TRIM56: variants seen among roughly 807,000 people sequenced by gnomAD.
The protein encoded by TRIM56 is tripartite motif containing 56.
A neutral mutation model predicts 17.1 loss-of-function variants in TRIM56; 10 were observed. The ratio of observed to expected loss-of-function variants is 0.58; its 90% CI spans 0.36 to 0.99. TRIM56 has a LOEUF of 0.99. Among genes scored for constraint, TRIM56 ranks in the 50% least tolerant of loss-of-function variants. The probability of loss-of-function intolerance (pLI) is 0.01; values close to 1 mark genes in which losing one functional copy is unlikely to be tolerated. For synonymous variants in TRIM56, 503 were observed against 473.5 expected (o/e 1.06, Z -0.81); for missense variants, 923 against 1,052.3 (o/e 0.88, Z 1.70).
rs1028711021 is a variant in TRIM56, at chr7:101,087,546, C to T, written c.234C>T (p.Phe78=). ...EGVASFKTNF[F]VNGLLDLVKA... Reference sequence around the variant, plus strand: ...TGGCCTCCTTCAAGACCAACTTCTTCGTCAATGGGCTGCTGGACCTGGTGA... The same window carrying T: ...TGGCCTCCTTCAAGACCAACTTCTTTGTCAATGGGCTGCTGGACCTGGTGA... The change falls in exon 3 of 3, where the codon TTC becomes TTT. Residue 78 remains phenylalanine (F), a synonymous_variant. Transcript: ENST00000306085. The T allele has an allele frequency of 3.7e-6, 6 of 1,613,022 alleles. No individual in the cohort carries two copies. Among genetic ancestry groups the T allele is most frequent in the African/African-American group, 2.7e-5 (2 of 74,916 alleles).
rs753220033 is a variant in TRIM56 at position 101,088,926 on chromosome 7, C to T, written c.1614C>T (p.Gly538=). ...NRALKRFSLN[G]DYKGTVPVPE... ...CACTGAAACGCTTCTCCCTCAACGG[C>T]GACTACAAGGGCACCGTGCCGGTCC... Residue 538 remains glycine (G), a synonymous_variant, in exon 3 of 3, where the codon GGC becomes GGT. Transcript: ENST00000306085. The T allele has an allele frequency of 9.3e-6, 15 of 1,613,732 alleles. 1 individual carries two copies. Among genetic ancestry groups the T allele is most frequent in the South Asian group, 8.8e-5 (8 of 91,084 alleles).
chr7:101,089,790 A>G lies in TRIM56; in HGVS notation c.*210A>G. The G allele has an allele frequency of 1.9e-6, 1 of 517,336 alleles. No individual in the cohort carries two copies. Among genetic ancestry groups the G allele is most frequent in the Non-Finnish European group, 3.5e-6 (1 of 286,578 alleles). The allele number at this position is 517,336 out of a possible 1,614,324, so 32.0% of individuals were successfully genotyped here. Reference sequence around the variant, plus strand: ...TGACCTTAACTCTCAGAAGCAGAGGAGGCAGGTGGGTGGAGGGGGATGCTG... The same window carrying G: ...TGACCTTAACTCTCAGAAGCAGAGGGGGCAGGTGGGTGGAGGGGGATGCTG... On this transcript the variant is annotated 3_prime_UTR_variant, in exon 3 of 3. Coordinates refer to ENST00000306085, the MANE Select transcript of TRIM56 (RefSeq NM_030961.3).
In TRIM56 at chr7:101,089,557, C is replaced by T. The variant is rs759156001; in HGVS notation, c.2245C>T (p.Arg749Trp). ...SLSNGTIHIFRVRSPDS is the reference protein window; with the variant it reads ...SLSNGTIHIFWVRSPDS ...CAGTAACGGGACCATCCACATCTTT[C>T]GGGTCCGTTCTCCGGACAGTTAAAG... Residue 749 changes from arginine (R) to tryptophan (W), a missense_variant, in exon 3 of 3, where the codon CGG (arginine) becomes TGG (tryptophan). By Grantham distance (101) the Arg-to-Trp change is moderately radical. Transcript: ENST00000306085. The T allele has an allele frequency of 1.9e-5, 30 of 1,613,802 alleles. No homozygotes were observed. The South Asian group carries it at 2.3e-4, about 12-fold the overall frequency.
chr7:101,088,118 A>G lies in TRIM56; in HGVS notation c.806A>G (p.Gln269Arg), dbSNP rs557284760. 5 of 1,502,670 alleles carry G rather than the reference A, an allele frequency of 3.3e-6. No homozygotes were observed. The highest frequency in any genetic ancestry group is 4.9e-5 in the East Asian group (2 of 40,422). 93.1% of individuals were successfully genotyped at this position (1,502,670 alleles called of 1,614,324 possible). Residue 269 changes from glutamine to arginine, a missense_variant, in exon 3 of 3, where the codon CAG becomes CGG. Around this residue, in one of 3 missense-constraint regions of TRIM56, gnomAD observed 643 missense variants for 665.6 expected, o/e 0.97. Transcript: ENST00000306085. ...AEGVLRALLA[Q>R]KQEVLGQLRA... is the part of the protein sequence containing the mutation. ...GGCGTCCTCCGGGCCCTGCTGGCCCAGAAGCAGGAGGTGCTGGGGCAGCTA... is the reference window on the plus strand; with the variant it reads ...GGCGTCCTCCGGGCCCTGCTGGCCCGGAAGCAGGAGGTGCTGGGGCAGCTA...
chr7:101,096,814 C>G lies in TRIM56; in HGVS notation c.*7234C>G, dbSNP rs1795659895. 1 of 152,120 alleles carries G rather than the reference C, an allele frequency of 6.6e-6. No individual in the cohort carries two copies. Among genetic ancestry groups the G allele is most frequent in the African/African-American group, 2.4e-5 (1 of 41,414 alleles). The allele number at this position is 152,120 out of a possible 1,614,324, so 9.4% of individuals were successfully genotyped here. Reference sequence around the variant, plus strand: ...GAGGAGACCATTTTGTTTTGCTTTCCAGCAGTTACTTGAAGAAGCCTTATC... The same window carrying G: ...GAGGAGACCATTTTGTTTTGCTTTCGAGCAGTTACTTGAAGAAGCCTTATC... On this transcript the variant is annotated 3_prime_UTR_variant, in exon 3 of 3. Coordinates refer to ENST00000306085, the MANE Select transcript of TRIM56 (RefSeq NM_030961.3).
Position 101,088,077 on chromosome 7 carries a change from G to A in TRIM56, c.765G>A (p.Val255=). Reference sequence around the variant, plus strand: ...AGGCGGCCCGGGTGGGGACTCAGGTGGAGGAGGCGGCTGAGGGCGTCCTCC... The same window carrying A: ...AGGCGGCCCGGGTGGGGACTCAGGTAGAGGAGGCGGCTGAGGGCGTCCTCC... ...REQAARVGTQ[V]EEAAEGVLRA... The change falls in exon 3 of 3, where the codon GTG becomes GTA. Residue 255 remains valine, a synonymous_variant. Transcript: ENST00000306085. 2.0e-6 allele frequency: 3 copies of A among 1,520,162 alleles called. No individual in the cohort carries two copies. Among genetic ancestry groups the A allele is most frequent in the Non-Finnish European group, 1.8e-6 (2 of 1,135,420 alleles). 94.2% of individuals were successfully genotyped at this position (1,520,162 alleles called of 1,614,324 possible). A position where few individuals can be genotyped will look rare whatever the true frequency, so the allele number is the denominator to read the frequency against.
Position 101,092,500 on chromosome 7 carries a change from C to T in TRIM56, c.*2920C>T. On this transcript the variant is annotated 3_prime_UTR_variant, in exon 3 of 3. Transcript: ENST00000306085. ...CCGCCCCGTCTGAGAAGTGAGGAGCCCCTCCGCCTGGCAGCCGCCCCGTCT... is the reference window on the plus strand; with the variant it reads ...CCGCCCCGTCTGAGAAGTGAGGAGCTCCTCCGCCTGGCAGCCGCCCCGTCT... 1 of 165,616 alleles carries T rather than the reference C, an allele frequency of 6.0e-6. No homozygotes were observed. The highest frequency in any genetic ancestry group is 1.3e-5 in the Non-Finnish European group (1 of 79,162). 10.3% of individuals were successfully genotyped at this position (165,616 alleles called of 1,614,324 possible). A position where few individuals can be genotyped will look rare whatever the true frequency, so the allele number is the denominator to read the frequency against.
Position 101,087,728 on chromosome 7 carries a change from G to A in TRIM56, c.416G>A (p.Arg139His), listed in dbSNP as rs1795476126. ...TGTGCCGACGGGCACCGCTGCACCC[G>A]CCAGACCCACACCCACCGCGTGGTG... ...QACADGHRCT[R>H]QTHTHRVVDL... Residue 139 changes from arginine to histidine, a missense_variant, in exon 3 of 3, where the codon CGC becomes CAC. Coordinates refer to ENST00000306085, the MANE Select transcript of TRIM56 (RefSeq NM_030961.3). 1.3e-6 allele frequency: 2 copies of A among 1,595,462 alleles called. No homozygotes were observed. The highest frequency in any genetic ancestry group is 1.7e-6 in the Non-Finnish European group (2 of 1,171,700).
At chr7:101,086,431 C>T (rs536257738) in intron 1 of TRIM56, among the ~76,000 whole-genome samples, 9 of 151,936 alleles carry the variant, frequency 5.9e-5, no homozygotes, top group African/African-American at 9.7e-5. Flanking sequence ...TGTGATGGTG[C>T]GCACCTGTAA....
chr7:101,088,932 C>T lies in TRIM56; in HGVS notation c.1620C>T (p.Tyr540=). The T allele has an allele frequency of 5.6e-6, 9 of 1,613,678 alleles. No individual in the cohort carries two copies. The highest frequency in any genetic ancestry group is 6.8e-6 in the Non-Finnish European group (8 of 1,180,032). Residue 540 remains tyrosine, a synonymous_variant, in exon 3 of 3, where the codon TAC becomes TAT. Coordinates refer to ENST00000306085, the MANE Select transcript of TRIM56 (RefSeq NM_030961.3). ...ALKRFSLNGD[Y]KGTVPVPEGC... ...AACGCTTCTCCCTCAACGGCGACTACAAGGGCACCGTGCCGGTCCCTGAGG... is the reference window on the plus strand; with the variant it reads ...AACGCTTCTCCCTCAACGGCGACTATAAGGGCACCGTGCCGGTCCCTGAGG...
In TRIM56 at chr7:101,088,512, G is replaced by A. The variant is rs376367378; in HGVS notation, c.1200G>A (p.Pro400=). 1.8e-4 allele frequency: 297 copies of A among 1,613,662 alleles called. No homozygotes were observed. The highest frequency in any genetic ancestry group is 2.4e-4 in the Non-Finnish European group (287 of 1,179,878). Residue 400 remains proline, a synonymous_variant, in exon 3 of 3, where the codon CCG becomes CCA. Transcript: ENST00000306085. The part of the protein sequence containing the change: ...EESQSRREDE[P]KTERQGGVQP... The stretch of plus-strand genomic sequence containing the variant: ...GCCAGAGCCGGAGGGAGGATGAGCC[G>A]AAGACTGAGAGACAGGGTGGAGTCC...
intron 1 of TRIM56, among the ~76,000 whole-genome samples, chr7:101,085,810 A>G (rs895549184): frequency 7.9e-5 from 12 of 152,192 alleles, no homozygotes; most frequent in Non-Finnish European, 1.6e-4. Flanking sequence ...TCCCAGCTCC[A>G]GAAAAGGGGA....
rs912885854 is a variant in TRIM56, at chr7:101,093,539, AAAAAG to A, written c.*3963_*3967del. On this transcript the variant is annotated 3_prime_UTR_variant, in exon 3 of 3. Coordinates refer to ENST00000306085, the MANE Select transcript of TRIM56 (RefSeq NM_030961.3). ...AAAAATAATAATAATTAAAAAAAAA[AAAAAG>A]AAAGGCTGGACGCGGTGGCTCACAC... 1 of 151,528 alleles carries A rather than the reference AAAAAG, an allele frequency of 6.6e-6. No homozygotes were observed. The highest frequency in any genetic ancestry group is 2.4e-5 in the African/African-American group (1 of 41,364). The allele number at this position is 151,528 out of a possible 1,614,324, so 9.4% of individuals were successfully genotyped here.
In TRIM56 at chr7:101,088,254, C is replaced by A; in HGVS notation, c.942C>A (p.Ser314Arg). The A allele has an allele frequency of 6.7e-7, 1 of 1,489,108 alleles. No homozygotes were observed. The highest frequency in any genetic ancestry group is 8.9e-7 in the Non-Finnish European group (1 of 1,125,522). The allele number at this position is 1,489,108 out of a possible 1,614,324, so 92.2% of individuals were successfully genotyped here. A position where few individuals can be genotyped will look rare whatever the true frequency, so the allele number is the denominator to read the frequency against. The change falls in exon 3 of 3, where the codon AGC becomes AGA. Residue 314 changes from serine to arginine, a missense_variant. Physicochemically the swap from Ser to Arg is moderately radical, Grantham distance 110. This residue lies in a region of TRIM56 where 643 missense variants were observed against 665.6 expected (regional missense o/e 0.97). Coordinates refer to ENST00000306085, the MANE Select transcript of TRIM56 (RefSeq NM_030961.3). ...CCGCCTTCGCCCGCCGGGTACTCAG[C>A]CTGGGGCGAGAGGCCGAGATCCTCT... ...AAAAFARRVL[S>R]LGREAEILSL...
chr7:101,087,769 A>G lies in TRIM56; in HGVS notation c.457A>G (p.Arg153Gly), dbSNP rs1434354224. 6.2e-7 allele frequency: 1 copy of G among 1,606,456 alleles called. No individual in the cohort carries two copies. The highest frequency in any genetic ancestry group is 1.7e-5 in the Admixed American group (1 of 59,666). The change falls in exon 3 of 3, where the codon AGG becomes GGG. Residue 153 changes from arginine (R) to glycine (G), a missense_variant. This residue lies in a region of TRIM56 where 643 missense variants were observed against 665.6 expected (regional missense o/e 0.97). Transcript: ENST00000306085. ...THRVVDLVGYRAGWYDEEARE... is the reference protein window; with the variant it reads ...THRVVDLVGYGAGWYDEEARE... The stretch of plus-strand genomic sequence containing the variant: ...CCGCGTGGTGGACCTGGTGGGCTAC[A>G]GGGCCGGGTGGTATGATGAGGAGGC...
chr7:101,094,958 TGACTCTC>T lies in TRIM56; in HGVS notation c.*5379_*5385del, dbSNP rs1006029161. The stretch of plus-strand genomic sequence containing the variant: ...TATCTAGACAAGGATGAGACTGGTA[TGACTCTC>T]CAAAGCTTTCCCACCTCCAAAACCT... On this transcript the variant is annotated 3_prime_UTR_variant, in exon 3 of 3. Transcript: ENST00000306085. The T allele has an allele frequency of 6.6e-6, 1 of 151,664 alleles. No individual in the cohort carries two copies. Among genetic ancestry groups the T allele is most frequent in the Admixed American group, 6.6e-5 (1 of 15,178 alleles). The allele number at this position is 151,664 out of a possible 1,614,324, so 9.4% of individuals were successfully genotyped here.
rs953936177 is a variant in TRIM56, at chr7:101,092,635, C to T, written c.*3055C>T. ...TCCGGGAGGGAGGTGGGGGGTCAGC[C>T]CCCGCCCGGCCAGCCGCGCCTTCCG... On this transcript the variant is annotated 3_prime_UTR_variant, in exon 3 of 3. Coordinates refer to ENST00000306085, the MANE Select transcript of TRIM56 (RefSeq NM_030961.3). The T allele has an allele frequency of 1.8e-5, 2 of 111,122 alleles. No individual in the cohort carries two copies. The highest frequency in any genetic ancestry group is 1.1e-4 in the African/African-American group (2 of 17,450). 6.9% of individuals were successfully genotyped at this position (111,122 alleles called of 1,614,324 possible).
chr7:101,088,062 G>T lies in TRIM56; in HGVS notation c.750G>T (p.Arg250=). 6.5e-7 allele frequency: 1 copy of T among 1,529,640 alleles called. No homozygotes were observed. The allele number at this position is 1,529,640 out of a possible 1,614,324, so 94.8% of individuals were successfully genotyped here. Residue 250 remains arginine (R), a synonymous_variant, in exon 3 of 3, where the codon CGG becomes CGT. Coordinates refer to ENST00000306085, the MANE Select transcript of TRIM56 (RefSeq NM_030961.3). Reference sequence around the variant, plus strand: ...CCCGGCTGCGGGAGCAGGCGGCCCGGGTGGGGACTCAGGTGGAGGAGGCGG... The same window carrying T: ...CCCGGCTGCGGGAGCAGGCGGCCCGTGTGGGGACTCAGGTGGAGGAGGCGG... ...ALARLREQAA[R]VGTQVEEAAE...
In TRIM56 at chr7:101,087,166, C is replaced by A; in HGVS notation, c.-4C>A. On this transcript the variant is annotated splice_region_variant and 5_prime_UTR_variant, in exon 2 of 3. Coordinates refer to ENST00000306085, the MANE Select transcript of TRIM56 (RefSeq NM_030961.3). ...GACTAGAAGGAAGTTCCTGGCCATTCAGGTGAGACCTCAGGTTCCTTCCCG... is the reference window on the plus strand; with the variant it reads ...GACTAGAAGGAAGTTCCTGGCCATTAAGGTGAGACCTCAGGTTCCTTCCCG... The A allele has an allele frequency of 1.3e-6, 1 of 748,142 alleles. No individual in the cohort carries two copies. Among genetic ancestry groups the A allele is most frequent in the Non-Finnish European group, 2.2e-6 (1 of 450,450 alleles). The allele number at this position is 748,142 out of a possible 1,614,324, so 46.3% of individuals were successfully genotyped here.
Sources: gnomAD v4.1 joint callset for allele counts (sites outside exome capture counted in the v4.1 genomes callset) on GRCh38, gnomAD v4.1.1 for gene constraint, gnomAD v4.1.1 regional missense constraint, MANE v1.5 for transcripts, NCBI Gene and HGNC (gene_info 2026-07-23, HGNC 2026-07-21) for gene names.